SAG: variants seen among roughly 807,000 people sequenced by gnomAD.
The protein encoded by SAG is S-antigen visual arrestin.
A neutral mutation model predicts 55.0 loss-of-function variants in SAG; 45 were observed. The ratio of observed to expected loss-of-function variants is 0.82; its 90% CI spans 0.64 to 1.05. The LOEUF (loss-of-function observed/expected upper bound fraction) is 1.05, where lower values mean the gene tolerates loss of function less well. Among genes scored for constraint, SAG ranks in the 50% least tolerant of loss-of-function variants. The pLI is 0.00. For missense variants in SAG, 455 were observed against 512.1 expected, an observed-to-expected ratio of 0.89 and a Z score of 1.08; for synonymous variants, 189 against 197.4, an observed-to-expected ratio of 0.96 and a Z score of 0.36.
intron 11 of SAG, 134 bp downstream of exon 11, chr2:233,335,233 C>T: frequency 8.5e-7 from 1 of 1,180,402 alleles, no homozygotes; most frequent in African/African-American, 1.5e-5. Context: ...GTGTGGAGTG[C>T]ATATCTACGG....
At chr2:233,328,900 G>T (rs955659627) in intron 8 of SAG, 9 of 381,194 alleles carry the variant, frequency 2.4e-5, no homozygotes, top group East Asian at 4.6e-5. Flanking sequence ...CCCCCCAGCT[G>T]TCCTTGTCCT....
chr2:233,336,260 A>G (rs114044161), intron 11 of SAG, among the ~76,000 whole-genome samples: 411 of 152,324 alleles, frequency 2.7e-3, no homozygotes, highest in South Asian at 5.4e-3. Context: ...CACACCTGTA[A>G]TCCCAGTACT....
intron 10 of SAG, chr2:233,332,587 T>TCGAGC (rs1329409929): frequency 1.3e-5 from 2 of 152,044 alleles, no homozygotes; most frequent in African/African-American, 4.8e-5. Flanking sequence ...CCACCCAGGT[T>TCGAGC]CGAGCCATTC....
intron 2 of SAG, among the ~76,000 whole-genome samples, chr2:233,315,438 G>C (rs777544268): frequency 6.6e-6 from 1 of 151,594 alleles, no homozygotes; most frequent in Non-Finnish European, 1.5e-5. Flanking sequence ...AATTACAGGC[G>C]TATACCATCA....
At chr2:233,315,281 CTTTTTTTTTTTTTTTTT>C (rs5839476) in intron 2 of SAG, among the ~76,000 whole-genome samples, 2 of 69,392 alleles carry the variant, frequency 2.9e-5, no homozygotes, top group East Asian at 6.1e-4. Context: ...TCCAGAAGTT[CTTTTTTTTTTTTTTTTT>C]TTTTTTTTTT....
chr2:233,314,473 A>T, intron 2 of SAG, among the ~76,000 whole-genome samples: 1 of 152,174 alleles, frequency 6.6e-6, no homozygotes, highest in East Asian at 1.9e-4. Context: ...AAGACCAGGG[A>T]ATCTACTAGG....
intron 2 of SAG, among the ~76,000 whole-genome samples, chr2:233,311,593 G>T (rs1015506818): frequency 6.6e-6 from 1 of 152,158 alleles, no homozygotes; most frequent in Non-Finnish European, 1.5e-5. Context: ...AAGAAGGGGT[G>T]TGTGGCTGTT....
intron 2 of SAG, among the ~76,000 whole-genome samples, chr2:233,311,298 C>T (rs1378375359): frequency 1.3e-5 from 2 of 152,144 alleles, no homozygotes; most frequent in Non-Finnish European, 2.9e-5. Flanking sequence ...ACTGCCCCTG[C>T]TCCTGGCGTC....
At chr2:233,342,081 G>A (rs541625376) in intron 13 of SAG, among the ~76,000 whole-genome samples, 190 bp from the exon 14 acceptor site, 5 of 147,920 alleles carry the variant, frequency 3.4e-5, no homozygotes, top group Admixed American at 6.8e-5. Flanking sequence ...CCGAGATTGC[G>A]CCACTGCACT....
Position 233,329,490 on chromosome 2 carries a change from T to G in SAG, c.649-3T>G. 1 of 1,604,134 alleles carries G rather than the reference T, an allele frequency of 6.2e-7. No homozygotes were observed. The highest frequency in any genetic ancestry group is 1.7e-5 in the Admixed American group (1 of 60,016). On this transcript the variant is annotated splice_polypyrimidine_tract_variant and splice_region_variant and intron_variant, in intron 8 of 15. Transcript: ENST00000409110. ...CTTCTGACCTATCTGCTGACTTTTC[T>G]AGATCTATTTCCATGGGGAGCCCAT...
At chr2:233,314,687 T>C (rs1700170566) in intron 2 of SAG, among the ~76,000 whole-genome samples, 1 of 152,142 alleles carries the variant, frequency 6.6e-6, no homozygotes. Flanking sequence ...GAGTATAAGG[T>C]TTCCTACGGA....
At chr2:233,335,216 G>T (rs1037997264) in intron 11 of SAG, 117 bp downstream of exon 11, 2 of 1,329,682 alleles carry the variant, frequency 1.5e-6, no homozygotes, top group Non-Finnish European at 2.0e-6. Flanking sequence ...GTGGTCTGGC[G>T]TGTGTAGTGT....
intron 6 of SAG, among the ~76,000 whole-genome samples, chr2:233,324,702 G>A (rs2125332361): frequency 6.6e-6 from 1 of 152,290 alleles, no homozygotes; most frequent in East Asian, 1.9e-4. Context: ...GGAGGAGAAG[G>A]AGGTGCCAGG....
In SAG at chr2:233,346,383, C is replaced by G; in HGVS notation, c.1103-20C>G. ...CTCTCTCTCCCTCTTCCCTGCCTCC[C>G]TTTTATTCCATGCTTACAGCTAAGG... On this transcript the variant is annotated intron_variant, in intron 14 of 15. Transcript: ENST00000409110. 1.2e-6 allele frequency: 2 copies of G among 1,613,338 alleles called. No homozygotes were observed. Among genetic ancestry groups the G allele is most frequent in the Non-Finnish European group, 1.7e-6 (2 of 1,179,298 alleles).
chr2:233,325,162 C>T (rs1336906121), intron 6 of SAG, among the ~76,000 whole-genome samples: 1 of 150,842 alleles, frequency 6.6e-6, no homozygotes, highest in Non-Finnish European at 1.5e-5. Context: ...CGAGATTGTG[C>T]CACTGCATTC....
chr2:233,342,258 T>C lies in SAG; in HGVS notation c.1047-13T>C, dbSNP rs73995909. ...TATGGGTGTTCACACCAATCTTCAT[T>C]CTTTTTTTCTAGTGAAGTCGCCACT... On this transcript the variant is annotated splice_polypyrimidine_tract_variant and intron_variant, in intron 13 of 15. Transcript: ENST00000409110. 10,826 of 1,596,480 alleles carry C rather than the reference T, an allele frequency of 6.8e-3. 569 individuals are homozygous for C. In the African/African-American group the frequency reaches 0.12, roughly 18 times the overall value.
intron 10 of SAG, chr2:233,334,221 C>T (rs1340734060): frequency 1.3e-5 from 2 of 152,240 alleles, no homozygotes; most frequent in South Asian, 2.1e-4. Context: ...AGCACTTGGC[C>T]TGGCACACAG....
At chr2:233,346,184 T>C (rs1293704585) in intron 14 of SAG, 3 of 246,652 alleles carry the variant, frequency 1.2e-5, no homozygotes, top group Non-Finnish European at 2.3e-5. Flanking sequence ...AAATATAAAA[T>C]AAATAAAATG....
intron 11 of SAG, among the ~76,000 whole-genome samples, chr2:233,337,088 C>G (rs1358191358): frequency 4.6e-5 from 6 of 129,694 alleles, no homozygotes; most frequent in African/African-American, 1.7e-4. Context: ...AAAATGAGAC[C>G]CTGTCTCAAA....
Sources: allele counts gnomAD v4.1 joint callset (sites outside exome capture counted in the v4.1 genomes callset), GRCh38; gene constraint gnomAD v4.1.1; transcripts MANE v1.5; gene names NCBI Gene and HGNC (gene_info 2026-07-23, HGNC 2026-07-21).